Variants in MARCHF1 observed in about 807,000 individuals in gnomAD.
The protein encoded by MARCHF1 is membrane associated ring-CH-type finger 1.
In MARCHF1, 40 loss-of-function variants were observed where a neutral mutation model predicts 54.2. The observed-to-expected ratio is 0.74, with a 90% confidence interval of 0.57 to 0.96. MARCHF1 has a LOEUF of 0.96. Among genes scored for constraint, MARCHF1 ranks in the 40% least tolerant of loss-of-function variants. The pLI is 0.00. For synonymous variants in MARCHF1, 236 were observed against 236.3 expected, an observed-to-expected ratio of 1.00 and a Z score of 0.01; for missense variants, 586 against 656.5, an observed-to-expected ratio of 0.89 and a Z score of 1.17.
chr4:164,275,128 G>A (rs1243350021), intron 1 of MARCHF1, among the ~76,000 whole-genome samples: 2 of 151,590 alleles, frequency 1.3e-5, no homozygotes, highest in African/African-American at 4.8e-5. Flanking sequence ...AATATAATAA[G>A]AGATAAGGCT....
At chr4:163,732,355 C>T (rs1026549562) in intron 4 of MARCHF1, among the ~76,000 whole-genome samples, 3 of 151,618 alleles carry the variant, frequency 2.0e-5, no homozygotes, top group Non-Finnish European at 4.4e-5. Context: ...TAAAGTGAAA[C>T]ACAGAAAAAA....
Position 163,574,139 on chromosome 4 carries a change from C to T in MARCHF1, c.1191+11610G>A, listed in dbSNP as rs1264279254. On this transcript the variant is annotated intron_variant, in intron 8 of 9. Coordinates refer to ENST00000514618, the MANE Select transcript of MARCHF1 (RefSeq NM_001394959.1). ...TTGAGAAGTGTCTGTTCATGTCCTTCGCCCACTTTTTGATGGGGTTGTTTG... is the reference window on the plus strand; with the variant it reads ...TTGAGAAGTGTCTGTTCATGTCCTTTGCCCACTTTTTGATGGGGTTGTTTG... Among the ~76,000 whole-genome samples the T allele has an allele frequency of 1.5e-3, 219 of 147,336 alleles. 1 individual carries two copies. In the Middle Eastern group the frequency reaches 0.018, roughly 12 times the overall value.
At chr4:163,586,286 T>G (rs1022679434) in intron 7 of MARCHF1, among the ~76,000 whole-genome samples, 2 of 152,150 alleles carry the variant, frequency 1.3e-5, no homozygotes, top group Admixed American at 1.3e-4. Context: ...ACAAAGCGTA[T>G]ATGAAACATA....
chr4:163,985,385 G>T (rs967418200), intron 3 of MARCHF1, among the ~76,000 whole-genome samples: 1 of 151,816 alleles, frequency 6.6e-6, no homozygotes, highest in African/African-American at 2.4e-5. Flanking sequence ...TTTGTGTTTT[G>T]TACTTCCAGG....
intron 9 of MARCHF1, among the ~76,000 whole-genome samples, chr4:163,541,739 T>G (rs1341571150): frequency 1.3e-5 from 2 of 152,202 alleles, no homozygotes; most frequent in Non-Finnish European, 2.9e-5. Context: ...TTTTAAAGGT[T>G]TTTCAAGATG....
chr4:163,744,259 G>C (rs1395811597), intron 4 of MARCHF1, among the ~76,000 whole-genome samples: 2 of 152,000 alleles, frequency 1.3e-5, no homozygotes, highest in Non-Finnish European at 2.9e-5. Flanking sequence ...TTTTTTTTAG[G>C]GGAAAGCCTC....
chr4:163,721,135 TG>T (rs1745441432), intron 4 of MARCHF1, among the ~76,000 whole-genome samples: 1 of 152,232 alleles, frequency 6.6e-6, no homozygotes, highest in South Asian at 2.1e-4. Flanking sequence ...TTCCAGTTTT[TG>T]CCCATTCGGT....
chr4:164,030,445 T>G (rs996672207), intron 2 of MARCHF1, among the ~76,000 whole-genome samples: 4 of 152,206 alleles, frequency 2.6e-5, no homozygotes, highest in Non-Finnish European at 4.4e-5. Context: ...CCTTAGATAA[T>G]AATTTGCTAT....
At chr4:163,549,605 T>C (rs1378725606) in intron 8 of MARCHF1, among the ~76,000 whole-genome samples, 1 of 152,140 alleles carries the variant, frequency 6.6e-6, no homozygotes, top group East Asian at 1.9e-4. Flanking sequence ...ACTTCCTGCA[T>C]AGGTAGTCTT....
At chr4:163,551,865 C>G (rs1005180433) in intron 8 of MARCHF1, among the ~76,000 whole-genome samples, 33 of 152,126 alleles carry the variant, frequency 2.2e-4, no homozygotes, top group African/African-American at 7.5e-4. Flanking sequence ...TGTGAGACCT[C>G]CCCAGTCATG....
intron 1 of MARCHF1, among the ~76,000 whole-genome samples, chr4:164,248,794 T>C (rs1453635139): frequency 6.6e-6 from 1 of 152,044 alleles, no homozygotes; most frequent in East Asian, 1.9e-4. Context: ...CTCAGTTCTT[T>C]ACATGTATTT....
chr4:163,608,063 A>G (rs1336972026), intron 7 of MARCHF1, among the ~76,000 whole-genome samples: 1 of 152,186 alleles, frequency 6.6e-6, no homozygotes, highest in Non-Finnish European at 1.5e-5. Flanking sequence ...CTATCATTCA[A>G]AAACTATGTG....
At chr4:164,158,751 G>A (rs1018179053) in intron 1 of MARCHF1, among the ~76,000 whole-genome samples, 5 of 152,244 alleles carry the variant, frequency 3.3e-5, no homozygotes, top group Admixed American at 2.0e-4. Flanking sequence ...ACTGACCTAT[G>A]TGTTGCCATA....
chr4:163,749,059 A>G lies in MARCHF1; in HGVS notation c.112-48196T>C, dbSNP rs193105317. On this transcript the variant is annotated intron_variant, in intron 4 of 9. Transcript: ENST00000514618. ...CTATAAATGTGGTGTATCTTTTTATATTTATTTAAATCTTTTTTTCCCTGT... is the reference window on the plus strand; with the variant it reads ...CTATAAATGTGGTGTATCTTTTTATGTTTATTTAAATCTTTTTTTCCCTGT... 3.1e-4 allele frequency among the ~76,000 whole-genome samples: 47 copies of G among 152,138 alleles called. No individual in the cohort carries two copies. In the East Asian group the frequency reaches 3.3e-3, roughly 11 times the overall value.
intron 2 of MARCHF1, among the ~76,000 whole-genome samples, chr4:164,023,037 C>T (rs1387710475): frequency 6.6e-6 from 1 of 152,166 alleles, no homozygotes; most frequent in East Asian, 1.9e-4. Flanking sequence ...CAGCATGCAG[C>T]TCGGGAATAT....
intron 1 of MARCHF1, among the ~76,000 whole-genome samples, chr4:164,156,290 A>T (rs1050942328): frequency 2.6e-5 from 4 of 152,208 alleles, no homozygotes; most frequent in Non-Finnish European, 2.9e-5. Flanking sequence ...TTGTTCATTT[A>T]AAAATGTCTA....
intron 2 of MARCHF1, among the ~76,000 whole-genome samples, chr4:164,065,228 C>T (rs1754701911): frequency 6.6e-6 from 1 of 152,134 alleles, no homozygotes; most frequent in Non-Finnish European, 1.5e-5. Flanking sequence ...AGAAATGGTA[C>T]TAGTTCCTCT....
intron 1 of MARCHF1, among the ~76,000 whole-genome samples, chr4:164,209,448 C>T (rs75167622): frequency 7.5e-4 from 114 of 152,198 alleles, no homozygotes; most frequent in African/African-American, 2.4e-3. Context: ...TTAACTACAA[C>T]GCAATCTGGA....
At chr4:163,621,494 A>T (rs1741695236) in intron 5 of MARCHF1, among the ~76,000 whole-genome samples, 1 of 152,254 alleles carries the variant, frequency 6.6e-6, no homozygotes, top group Non-Finnish European at 1.5e-5. Context: ...ATTTTGTATT[A>T]GATTTTTTTC....
Sources: gnomAD v4.1 joint callset for allele counts (sites outside exome capture counted in the v4.1 genomes callset) on GRCh38, gnomAD v4.1.1 for gene constraint, MANE v1.5 for transcripts, NCBI Gene and HGNC (gene_info 2026-07-23, HGNC 2026-07-21) for gene names.